The following EYS variants were observed in gnomAD, a reference collection of about 807,000 sequenced individuals.
EYS encodes EGF-like photoreceptor maintenance factor, also known as protein eyes shut homolog.
Under a neutral mutation model 282.1 loss-of-function variants are expected in EYS, and 250 were observed. That is an observed-to-expected ratio of 0.89 (90% CI 0.80 to 0.98). The LOEUF is 0.98. EYS is among the 50% of genes least tolerant of loss of function. The probability of loss-of-function intolerance (pLI) is 0.00; values close to 1 mark genes in which losing one functional copy is unlikely to be tolerated. For missense variants in EYS, 4,016 were observed against 3,709.0 expected (o/e 1.08, Z -2.15); for synonymous variants, 1,355 against 1,282.9 (o/e 1.06, Z -1.20).
chr6:64,306,911 A>T, intron 30 of EYS, 59 bp downstream of exon 30: 1 of 810,696 alleles, frequency 1.2e-6, no homozygotes, highest in Middle Eastern at 3.3e-4. Context: ...ATTGGAAATG[A>T]TATCTTTTGG....
At chr6:64,153,093 A>G (rs1481286043) in intron 31 of EYS, among the ~76,000 whole-genome samples, 2 of 152,150 alleles carry the variant, frequency 1.3e-5, no homozygotes, top group Admixed American at 1.3e-4. Flanking sequence ...TACCAATCTA[A>G]CAACTTTACA....
intron 31 of EYS, among the ~76,000 whole-genome samples, chr6:64,199,165 G>A (rs536322382): frequency 5.9e-5 from 9 of 152,092 alleles, no homozygotes; most frequent in South Asian, 2.1e-4. Flanking sequence ...GAGGCATCAC[G>A]CTATCTGACT....
At chr6:64,662,303 C>A (rs1436309676) in intron 22 of EYS, among the ~76,000 whole-genome samples, 1 of 151,782 alleles carries the variant, frequency 6.6e-6, no homozygotes, top group Non-Finnish European at 1.5e-5. Context: ...TTACTGGGTG[C>A]AGCATACCAA....
At chr6:65,076,683 TACACACAC>T (rs36094243) in intron 12 of EYS, among the ~76,000 whole-genome samples, 3 of 149,392 alleles carry the variant, frequency 2.0e-5, no homozygotes, top group Admixed American at 6.8e-5. Context: ...CATAAATATA[TACACACAC>T]ACACACACAC....
At chr6:64,921,758 G>A (rs563543905) in intron 15 of EYS, among the ~76,000 whole-genome samples, 120 of 152,126 alleles carry the variant, frequency 7.9e-4, no homozygotes, top group Non-Finnish European at 1.4e-3. Flanking sequence ...ATTAGAAACA[G>A]AAAATAAAAC....
intron 29 of EYS, among the ~76,000 whole-genome samples, chr6:64,368,577 T>C (rs1235032884): frequency 6.6e-6 from 1 of 152,132 alleles, no homozygotes; most frequent in Non-Finnish European, 1.5e-5. Flanking sequence ...AGCATGTTAT[T>C]TTTTTACTTT....
At chr6:64,559,682 C>T (rs1765337793) in intron 26 of EYS, among the ~76,000 whole-genome samples, 1 of 151,946 alleles carries the variant, frequency 6.6e-6, no homozygotes, top group Admixed American at 6.6e-5. Flanking sequence ...AATTTAGACA[C>T]AATTGTATTA....
chr6:64,295,652 C>A (rs969867322), intron 30 of EYS, among the ~76,000 whole-genome samples: 1 of 147,910 alleles, frequency 6.8e-6, no homozygotes, highest in Non-Finnish European at 1.5e-5. Flanking sequence ...TGGCGTGAAC[C>A]GAGAAGGCGG....
intron 22 of EYS, among the ~76,000 whole-genome samples, chr6:64,781,022 G>A (rs1035686041): frequency 1.3e-5 from 2 of 151,990 alleles, no homozygotes; most frequent in African/African-American, 2.4e-5. Context: ...TATATTCATC[G>A]ATTCTATTGA....
At chr6:64,344,672 C>G (rs1211342296) in intron 29 of EYS, among the ~76,000 whole-genome samples, 5 of 152,110 alleles carry the variant, frequency 3.3e-5, no homozygotes, top group Non-Finnish European at 7.3e-5. Flanking sequence ...CACTCCTATT[C>G]AACATAGTGT....
intron 8 of EYS, among the ~76,000 whole-genome samples, chr6:65,376,675 G>A (rs1765378774): frequency 6.6e-6 from 1 of 152,112 alleles, no homozygotes; most frequent in Non-Finnish European, 1.5e-5. Context: ...AAGGGATGGA[G>A]GACTATTTAC....
intron 1 of EYS, among the ~76,000 whole-genome samples, chr6:65,698,155 A>G (rs2812773): frequency 0.51 from 77,393 of 151,956 alleles, 21,323 homozygotes; most frequent in Non-Finnish European, 0.61. Flanking sequence ...ACAAAGGTGC[A>G]TCATTATACA....
At chr6:65,362,221 T>C (rs1764737717) in intron 8 of EYS, among the ~76,000 whole-genome samples, 1 of 152,114 alleles carries the variant, frequency 6.6e-6, no homozygotes, top group South Asian at 2.1e-4. Flanking sequence ...TTATTGTAAG[T>C]ATGCTCTGGG....
At chr6:65,173,588 T>C (rs900610031) in intron 12 of EYS, among the ~76,000 whole-genome samples, 2 of 151,122 alleles carry the variant, frequency 1.3e-5, no homozygotes, top group African/African-American at 2.4e-5. Flanking sequence ...GATGGGATTA[T>C]ATAACAATTT....
intron 19 of EYS, among the ~76,000 whole-genome samples, chr6:64,873,763 A>G (rs1766663661): frequency 1.3e-5 from 2 of 152,022 alleles, no homozygotes; most frequent in Admixed American, 6.6e-5. Context: ...TCTTTCAACA[A>G]TGTTTACATA....
chr6:65,417,863 ATGCAAT>A (rs1168591792), intron 5 of EYS, among the ~76,000 whole-genome samples: 1 of 152,030 alleles, frequency 6.6e-6, no homozygotes, highest in Non-Finnish European at 1.5e-5. Context: ...GAAGCCCAAA[ATGCAAT>A]ACTGGATTTA....
At position 65,003,729 on chromosome 6, in the gene EYS, T is replaced by C. The variant is rs1771543000; in HGVS notation, c.2138-6026A>G. ...CAAGCCGGCCGGCACTTAAGGAAAA[T>C]AGAAAAGAACCTACGTGAATATCAG... On this transcript the variant is annotated intron_variant, in intron 13 of 42. Transcript: ENST00000503581. Among the ~76,000 whole-genome samples the C allele has an allele frequency of 3.4e-5, 5 of 147,050 alleles. 1 individual carries two copies. The highest frequency in any genetic ancestry group is 3.0e-5 in the Non-Finnish European group (2 of 65,778).
intron 29 of EYS, among the ~76,000 whole-genome samples, chr6:64,328,167 C>T (rs564025840): frequency 6.6e-5 from 10 of 152,284 alleles, no homozygotes; most frequent in African/African-American, 2.4e-4. Flanking sequence ...TAATGCAGTC[C>T]ATTTCCTAAT....
chr6:65,015,763 A>T (rs1031798311), intron 13 of EYS, among the ~76,000 whole-genome samples: 2 of 150,090 alleles, frequency 1.3e-5, no homozygotes, highest in Non-Finnish European at 3.0e-5. Context: ...CACCGGGTGC[A>T]GTGGCTCACA....
Sources: allele counts gnomAD v4.1 joint callset (sites outside exome capture counted in the v4.1 genomes callset), GRCh38; gene constraint gnomAD v4.1.1; transcripts MANE v1.5; gene names NCBI Gene and HGNC (gene_info 2026-07-23, HGNC 2026-07-21).